CHD7: variants seen among roughly 807,000 people sequenced by gnomAD.
CHD7 encodes the protein chromodomain helicase DNA binding protein 7, also known as ATP-dependent chromatin remodeler CHD7.
Under a neutral mutation model 307.3 loss-of-function variants are expected in CHD7, and 24 were observed. The observed-to-expected ratio is 0.08, with a 90% CI of 0.06 to 0.11. CHD7 has a LOEUF of 0.11. CHD7 is among the 10% of genes least tolerant of loss of function. The pLI, the probability that CHD7 is intolerant of heterozygous loss-of-function variation, is 1.00. For synonymous variants in CHD7, 1,363 were observed against 1,349.9 expected (o/e 1.01, Z -0.21); for missense variants, 3,106 against 3,727.1 (o/e 0.83, Z 4.34).
chr8:60,852,347 C>A (rs1033187029), intron 29 of CHD7, 100 bp downstream of exon 29: 92 of 1,328,438 alleles, frequency 6.9e-5, no homozygotes, highest in Non-Finnish European at 9.4e-5. Flanking sequence ...AGGTAGTGAC[C>A]ACCAAAGAAA....
rs764847747 is a variant in CHD7 at position 60,861,013 on chromosome 8, A to G, written c.7718A>G (p.Asn2573Ser). Reference protein sequence around the residue: ...LDPDTRIPVINLEDGTRLVGE... With the variant: ...LDPDTRIPVISLEDGTRLVGE... Reference sequence around the variant, plus strand: ...CCAGACACACGGATCCCTGTTATCAATCTTGAAGATGGGACTAGGCTGGTG... The same window carrying G: ...CCAGACACACGGATCCCTGTTATCAGTCTTGAAGATGGGACTAGGCTGGTG... Residue 2573 changes from asparagine to serine, a missense_variant, in exon 35 of 38, where the codon AAT (asparagine) becomes AGT (serine). Coordinates refer to ENST00000423902, the MANE Select transcript of CHD7 (RefSeq NM_017780.4). The G allele has an allele frequency of 1.7e-5, 28 of 1,613,906 alleles. No individual in the cohort carries two copies. Among genetic ancestry groups the G allele is most frequent in the Admixed American group, 1.5e-4 (9 of 60,006 alleles).
At chr8:60,756,324 T>G (rs1433873102) in intron 2 of CHD7, among the ~76,000 whole-genome samples, 1 of 152,216 alleles carries the variant, frequency 6.6e-6, no homozygotes, top group African/African-American at 2.4e-5. Context: ...TGATAGGATA[T>G]AGTCATCTAT....
intron 14 of CHD7, among the ~76,000 whole-genome samples, chr8:60,829,878 T>G (rs935999165): frequency 7.9e-5 from 12 of 152,338 alleles, no homozygotes; most frequent in Non-Finnish European, 1.5e-4. Flanking sequence ...GAGAGACGTC[T>G]CTGCTGGCTC....
intron 2 of CHD7, among the ~76,000 whole-genome samples, chr8:60,769,478 T>C (rs1810614114): frequency 6.6e-6 from 1 of 152,222 alleles, no homozygotes; most frequent in Non-Finnish European, 1.5e-5. Context: ...CGTGTGTACC[T>C]CTGCCCTTAT....
At chr8:60,824,245 A>T in intron 13 of CHD7, 1 of 458,128 alleles carries the variant, frequency 2.2e-6, no homozygotes, top group African/African-American at 2.0e-5. Flanking sequence ...TAATCATGAT[A>T]GTTTCACTAA....
chr8:60,862,055 T>C (rs1806002682), intron 35 of CHD7, 141 bp from the exon 36 acceptor site: 7 of 657,424 alleles, frequency 1.1e-5, no homozygotes, highest in East Asian at 3.1e-5. Flanking sequence ...GAGAAAAATA[T>C]GGTTTCTAAT....
chr8:60,828,568 T>C, intron 13 of CHD7, 95 bp from the exon 14 acceptor site: 1 of 1,132,428 alleles, frequency 8.8e-7, no homozygotes, highest in Non-Finnish European at 1.2e-6. Context: ...GGTAGATGAG[T>C]AGGAGTAGAA....
intron 21 of CHD7, 118 bp downstream of exon 21, chr8:60,842,170 A>C (rs191237199): frequency 3.6e-5 from 29 of 794,524 alleles, no homozygotes; most frequent in Non-Finnish European, 5.5e-5. Flanking sequence ...TGCACAGTCA[A>C]ATGAATGCTT....
At chr8:60,740,032 A>G (rs758043988) in intron 1 of CHD7, among the ~76,000 whole-genome samples, 1 of 152,246 alleles carries the variant, frequency 6.6e-6, no homozygotes, top group Non-Finnish European at 1.5e-5. Context: ...GGTCTTTATT[A>G]GGCCGTTGAT....
At chr8:60,746,140 T>A (rs1202825068) in intron 2 of CHD7, among the ~76,000 whole-genome samples, 1 of 152,204 alleles carries the variant, frequency 6.6e-6, no homozygotes, top group Non-Finnish European at 1.5e-5. Flanking sequence ...TTCAAGCGAT[T>A]CTCCTGCCTC....
chr8:60,860,544 C>T (rs933363177), intron 34 of CHD7, among the ~76,000 whole-genome samples: 1 of 152,244 alleles, frequency 6.6e-6, no homozygotes, highest in African/African-American at 2.4e-5. Flanking sequence ...AAGTGATTCT[C>T]CTGCCCCAGC....
At chr8:60,735,328 T>G (rs1300289864) in intron 1 of CHD7, among the ~76,000 whole-genome samples, 3 of 152,212 alleles carry the variant, frequency 2.0e-5, no homozygotes, top group Non-Finnish European at 2.9e-5. Context: ...GTGGTTTTCC[T>G]TATTAAAAAT....
In CHD7 at chr8:60,853,195, T is replaced by C. The variant is rs1586446277; in HGVS notation, c.6470T>C (p.Ile2157Thr). ...GGATTTGTCCAGACTCCTCCAGTCA[T>C]CTCATCTGCTCATATTCAAGATGAG... Reference protein sequence around the residue: ...AVGFVQTPPVISSAHIQDERV... With the variant: ...AVGFVQTPPVTSSAHIQDERV... The change falls in exon 31 of 38, where the codon ATC becomes ACC. Residue 2157 changes from isoleucine to threonine, a missense_variant. Transcript: ENST00000423902. The C allele has an allele frequency of 6.2e-7, 1 of 1,613,900 alleles. No individual in the cohort carries two copies. Among genetic ancestry groups the C allele is most frequent in the Non-Finnish European group, 8.5e-7 (1 of 1,179,856 alleles).
intron 2 of CHD7, among the ~76,000 whole-genome samples, chr8:60,764,276 A>AC (rs1203350579): frequency 6.6e-6 from 1 of 152,204 alleles, no homozygotes; most frequent in African/African-American, 2.4e-5. Context: ...GGTGTGAGCC[A>AC]CCGTGCCTGG....
chr8:60,802,290 T>C (rs2150712453), intron 6 of CHD7, among the ~76,000 whole-genome samples: 1 of 152,346 alleles, frequency 6.6e-6, no homozygotes, highest in South Asian at 2.1e-4. Context: ...CTGTTTTAGC[T>C]AACTCCCTTC....
chr8:60,819,158 T>C (rs1209950390), intron 8 of CHD7, among the ~76,000 whole-genome samples: 1 of 152,170 alleles, frequency 6.6e-6, no homozygotes, highest in Non-Finnish European at 1.5e-5. Flanking sequence ...TTTCACCATG[T>C]TGGCCAGGCT....
chr8:60,763,490 A>G (rs764801080), intron 2 of CHD7, among the ~76,000 whole-genome samples: 4 of 152,126 alleles, frequency 2.6e-5, no homozygotes, highest in African/African-American at 9.7e-5. Flanking sequence ...AGAACTTTAC[A>G]GGATGACTGC....
rs1004706238 is a variant in CHD7 at position 60,850,759 on chromosome 8, T to C, written c.5534+137T>C. ...AGGAGATGTTTACCAGTCTACTCTA[T>C]TTGTATGTCGTAATGACTGTTTAAA... On this transcript the variant is annotated intron_variant, in intron 26 of 37. Coordinates refer to ENST00000423902, the MANE Select transcript of CHD7 (RefSeq NM_017780.4). 4.5e-6 allele frequency: 4 copies of C among 883,196 alleles called. No homozygotes were observed. In the African/African-American group the frequency reaches 6.7e-5, roughly 15 times the overall value. 54.7% of individuals were successfully genotyped at this position (883,196 alleles called of 1,614,324 possible). A position where few individuals can be genotyped will look rare whatever the true frequency, so the allele number is the denominator to read the frequency against.
intron 1 of CHD7, among the ~76,000 whole-genome samples, chr8:60,719,246 TC>T (rs1265055481): frequency 6.6e-6 from 1 of 152,206 alleles, no homozygotes; most frequent in African/African-American, 2.4e-5. Flanking sequence ...TTGGCAGACT[TC>T]CTTTTTTGAT....
Sources: gnomAD v4.1 joint callset for allele counts (sites outside exome capture counted in the v4.1 genomes callset) on GRCh38, gnomAD v4.1.1 for gene constraint, MANE v1.5 for transcripts, NCBI Gene and HGNC (gene_info 2026-07-23, HGNC 2026-07-21) for gene names.